The following CUBN variants were observed in gnomAD, a reference collection of about 807,000 sequenced individuals.
CUBN encodes cubilin.
In CUBN, 282 loss-of-function variants were observed where a neutral mutation model predicts 405.3. The ratio of observed to expected loss-of-function variants is 0.70; its 90% CI spans 0.63 to 0.77. The LOEUF (loss-of-function observed/expected upper bound fraction) is 0.77. Among genes scored for constraint, CUBN ranks in the 30% least tolerant of loss-of-function variants. CUBN has a pLI of 0.00. For missense variants in CUBN, 4,514 were observed against 4,475.2 expected (o/e 1.01, Z -0.25); for synonymous variants, 1,684 against 1,617.0 (o/e 1.04, Z -0.99).
Position 17,123,791 on chromosome 10 carries a change from G to A in CUBN, c.388-102C>T, listed in dbSNP as rs931927544. The stretch of plus-strand genomic sequence containing the variant: ...ATTACATTTAACTCTTAATCAGTGG[G>A]GGTCTCCTTCTACACTTTAAAGCCA... On this transcript the variant is annotated intron_variant, in intron 4 of 66. Coordinates refer to ENST00000377833, the MANE Select transcript of CUBN (RefSeq NM_001081.4). The A allele has an allele frequency of 4.3e-5, 33 of 759,952 alleles. No individual in the cohort carries two copies. The Admixed American group carries it at 6.6e-4, about 15-fold the overall frequency. 47.1% of individuals were successfully genotyped at this position (759,952 alleles called of 1,614,324 possible).
intron 17 of CUBN, among the ~76,000 whole-genome samples, chr10:17,072,271 A>G (rs1352418698): frequency 1.3e-5 from 2 of 152,206 alleles, no homozygotes; most frequent in African/African-American, 4.8e-5. Flanking sequence ...TACTTGGAAA[A>G]CAATAAAAAA....
chr10:17,123,820 C>A, intron 4 of CUBN, 131 bp from the exon 5 acceptor site: 1 of 661,108 alleles, frequency 1.5e-6, no homozygotes, highest in Non-Finnish European at 2.8e-6. Context: ...AAAGCCATTA[C>A]TTATGTTCTT....
chr10:16,917,147 A>G (rs1361613296), intron 45 of CUBN, among the ~76,000 whole-genome samples: 1 of 152,094 alleles, frequency 6.6e-6, no homozygotes, highest in African/African-American at 2.4e-5. Context: ...CTGATTTGGC[A>G]CTAGAGACTC....
rs992511819 is a variant in CUBN, at chr10:17,055,695, G to A, written c.3140-8092C>T. Among the ~76,000 whole-genome samples the A allele has an allele frequency of 9.9e-5, 15 of 152,018 alleles. No individual in the cohort carries two copies. The East Asian group carries it at 1.2e-3, about 12-fold the overall frequency. ...TCATTTTATAATAGCATAAAAACAC[G>A]AAACACTTGATAACAAGTTTAATAG... On this transcript the variant is annotated intron_variant, in intron 22 of 66. Transcript: ENST00000377833.
intron 43 of CUBN, among the ~76,000 whole-genome samples, chr10:16,922,461 T>C (rs1842061959): frequency 6.6e-6 from 1 of 152,200 alleles, no homozygotes; most frequent in Non-Finnish European, 1.5e-5. Context: ...ATGTTTTCAG[T>C]GTTGCAGCTA....
rs752775525 is a variant in CUBN at position 17,084,292 on chromosome 10, G to A, written c.2280C>T (p.Asp760=). 8.1e-6 allele frequency: 13 copies of A among 1,614,068 alleles called. No homozygotes were observed. Among genetic ancestry groups the A allele is most frequent in the African/African-American group, 1.3e-5 (1 of 75,046 alleles). The change falls in exon 17 of 67, where the codon GAC becomes GAT. Residue 760 remains aspartate (D), a synonymous_variant. Transcript: ENST00000377833. ...TTACCTCAATGTAATTCTGAGAACTGTCACTCTGGCATTGCAGCTCCACGT... is the reference window on the plus strand; with the variant it reads ...TTACCTCAATGTAATTCTGAGAACTATCACTCTGGCATTGCAGCTCCACGT... The part of the protein sequence containing the change: ...FTHVELQCQS[D]SSQNYIEVRD...
chr10:17,020,482 A>C (rs1834462997), intron 27 of CUBN, among the ~76,000 whole-genome samples: 1 of 152,232 alleles, frequency 6.6e-6, no homozygotes, highest in Non-Finnish European at 1.5e-5. Context: ...CCATCCCTTC[A>C]AGAGGTAATT....
At chr10:16,956,777 C>T (rs1376520989) in intron 31 of CUBN, among the ~76,000 whole-genome samples, 5 of 152,106 alleles carry the variant, frequency 3.3e-5, no homozygotes, top group Non-Finnish European at 7.4e-5. Context: ...TTACTTCTCT[C>T]AAGATAATTT....
chr10:16,891,993 A>G (rs1011980366), intron 54 of CUBN, among the ~76,000 whole-genome samples: 10 of 152,170 alleles, frequency 6.6e-5, no homozygotes, highest in Admixed American at 2.6e-4. Flanking sequence ...TTTTCTTCAC[A>G]TGGAATGATA....
At chr10:16,945,348 A>C (rs1010478484) in intron 36 of CUBN, among the ~76,000 whole-genome samples, 1 of 152,260 alleles carries the variant, frequency 6.6e-6, no homozygotes, top group African/African-American at 2.4e-5. Flanking sequence ...TGTGCCAACT[A>C]CATGCCTAGC....
At chr10:17,000,094 G>A (rs991215280) in intron 28 of CUBN, among the ~76,000 whole-genome samples, 11 of 152,334 alleles carry the variant, frequency 7.2e-5, no homozygotes, top group African/African-American at 2.4e-4. Context: ...CCTTAGCTTA[G>A]GGGAAGAAAA....
At chr10:16,928,598 C>T (rs919060212) in intron 40 of CUBN, among the ~76,000 whole-genome samples, 4 of 136,864 alleles carry the variant, frequency 2.9e-5, no homozygotes, top group Admixed American at 1.6e-4. Flanking sequence ...GGCACAGTCT[C>T]GGTTTAATGC....
intron 31 of CUBN, among the ~76,000 whole-genome samples, chr10:16,977,289 C>G (rs1177010719): frequency 2.6e-5 from 4 of 152,062 alleles, no homozygotes; most frequent in Non-Finnish European, 5.9e-5. Context: ...TTTGGCCTGC[C>G]ACACCCCCTT....
Position 16,869,715 on chromosome 10 carries a change from A to G in CUBN, c.9375T>C (p.Asn3125=). ...SKRPPNVKSS[N]NSMLLVFKTD... ...TCTTGAACACCAGGAGCATACTATT[A>G]TTGCTGCTCTTCACATTTGGTGGGC... The change falls in exon 59 of 67, where the codon AAT becomes AAC. Residue 3125 remains asparagine, a synonymous_variant. Coordinates refer to ENST00000377833, the MANE Select transcript of CUBN (RefSeq NM_001081.4). 1 of 1,614,020 alleles carries G rather than the reference A, an allele frequency of 6.2e-7. No individual in the cohort carries two copies. The highest frequency in any genetic ancestry group is 8.5e-7 in the Non-Finnish European group (1 of 1,179,924).
chr10:16,855,727 C>G (rs927650895), intron 59 of CUBN, among the ~76,000 whole-genome samples: 15 of 152,262 alleles, frequency 9.9e-5, no homozygotes, highest in Admixed American at 9.8e-4. Context: ...AGCTATCAAA[C>G]TATAATAGAG....
At position 16,856,268 on chromosome 10, in the gene CUBN, C is replaced by T. The variant is rs578153299; in HGVS notation, c.9455-4825G>A. Among the ~76,000 whole-genome samples, 17 of 152,256 alleles carry T rather than the reference C, an allele frequency of 1.1e-4. No homozygotes were observed. The South Asian group carries it at 2.5e-3, about 22-fold the overall frequency. Reference sequence around the variant, plus strand: ...ACAGCTCTCATCCATCAGCACCTGCCTCATCAATCAGGTGTGTCAGTCACT... The same window carrying T: ...ACAGCTCTCATCCATCAGCACCTGCTTCATCAATCAGGTGTGTCAGTCACT... On this transcript the variant is annotated intron_variant, in intron 59 of 66. Transcript: ENST00000377833.
At chr10:17,036,891 TGA>T (rs1438139072) in intron 27 of CUBN, among the ~76,000 whole-genome samples, 39 of 152,290 alleles carry the variant, frequency 2.6e-4, no homozygotes, top group African/African-American at 7.0e-4. Flanking sequence ...CAGGACACTG[TGA>T]GAGTGCTCCC....
At chr10:16,952,135 C>T in intron 33 of CUBN, 141 bp downstream of exon 33, 2 of 684,228 alleles carry the variant, frequency 2.9e-6, no homozygotes, top group Non-Finnish European at 5.4e-6. Flanking sequence ...TTCTTAAGCA[C>T]ATCAGGAATT....
intron 36 of CUBN, among the ~76,000 whole-genome samples, chr10:16,944,938 T>C (rs1842737352): frequency 6.6e-6 from 1 of 152,216 alleles, no homozygotes; most frequent in Non-Finnish European, 1.5e-5. Flanking sequence ...ACTAGCTGTG[T>C]GGTATGCGTT....
Sources: allele counts gnomAD v4.1 joint callset (sites outside exome capture counted in the v4.1 genomes callset), GRCh38; gene constraint gnomAD v4.1.1; transcripts MANE v1.5; gene names NCBI Gene and HGNC (gene_info 2026-07-23, HGNC 2026-07-21).